Variants in SNRPN observed in about 807,000 individuals in gnomAD.
The protein encoded by SNRPN is small nuclear ribonucleoprotein-associated protein N.
Under a neutral mutation model 25.2 loss-of-function variants are expected in SNRPN, and 7 were observed. The ratio of observed to expected loss-of-function variants is 0.28; its 90% CI spans 0.16 to 0.52. The LOEUF (loss-of-function observed/expected upper bound fraction) is 0.52, where lower values mean the gene tolerates loss of function less well. Among genes scored for constraint, SNRPN ranks in the 20% least tolerant of loss-of-function variants. The pLI is 0.96. For synonymous variants in SNRPN, 124 were observed against 110.6 expected (o/e 1.12, Z -0.76); for missense variants, 196 against 322.5 (o/e 0.61, Z 3.00).
At chr15:24,973,735 G>A (rs1301907362) in intron 3 of SNRPN, among the ~76,000 whole-genome samples, 2 of 152,074 alleles carry the variant, frequency 1.3e-5, no homozygotes, top group Non-Finnish European at 2.9e-5. Flanking sequence ...TTCATTACTT[G>A]ATCTATGAAA....
intron 3 of SNRPN, among the ~76,000 whole-genome samples, chr15:24,937,041 G>A (rs7173229): frequency 2.0e-5 from 3 of 152,014 alleles, no homozygotes; most frequent in Non-Finnish European, 4.4e-5. Flanking sequence ...TCAGGAGATC[G>A]AGACAATCCT....
chr15:24,930,250 A>G (rs968170196), intron 3 of SNRPN, among the ~76,000 whole-genome samples: 3 of 149,538 alleles, frequency 2.0e-5, no homozygotes, highest in Non-Finnish European at 3.0e-5. Flanking sequence ...CTGATCTTTC[A>G]TAGTGATTGG....
At chr15:24,878,173 T>G (rs985199643) in intron 1 of SNRPN, among the ~76,000 whole-genome samples, 1 of 152,250 alleles carries the variant, frequency 6.6e-6, no homozygotes, top group Non-Finnish European at 1.5e-5. Flanking sequence ...TGTTAAGTTA[T>G]TCTTTAAAAC....
rs116417139 is a variant in SNRPN at position 24,963,302 on chromosome 15, T to C, written c.-295+1093T>C. Among the ~76,000 whole-genome samples, 1,184 of 152,282 alleles carry C rather than the reference T, an allele frequency of 7.8e-3. 8 individuals are homozygous for C. The highest frequency in any genetic ancestry group is 0.027 in the African/African-American group (1,114 of 41,542). ...GTTTGCATTGTTTGGCTATTAACAATGAAAAGAACAGTCACTTTGAAAACG... is the reference window on the plus strand; with the variant it reads ...GTTTGCATTGTTTGGCTATTAACAACGAAAAGAACAGTCACTTTGAAAACG... On this transcript the variant is annotated intron_variant, in intron 2 of 9. Transcript: ENST00000390687.
intron 2 of SNRPN, among the ~76,000 whole-genome samples, chr15:24,903,112 C>T (rs145203137): frequency 3.4e-3 from 516 of 152,330 alleles, no homozygotes; most frequent in Non-Finnish European, 6.3e-3. Context: ...AGTCCCCACC[C>T]AACCCAGAAG....
intron 2 of SNRPN, among the ~76,000 whole-genome samples, chr15:24,966,216 TCA>T (rs1011725161): frequency 5.3e-5 from 8 of 152,196 alleles, no homozygotes. Flanking sequence ...TACTATTTTC[TCA>T]GACTTTATAA....
chr15:24,922,362 T>G (rs1457999251), intron 3 of SNRPN, among the ~76,000 whole-genome samples: 1 of 152,200 alleles, frequency 6.6e-6, no homozygotes. Context: ...AAATTTCAGG[T>G]CTACTACCTT....
chr15:24,972,981 G>A (rs564476202), intron 3 of SNRPN, among the ~76,000 whole-genome samples: 1 of 152,000 alleles, frequency 6.6e-6, no homozygotes, highest in African/African-American at 2.4e-5. Flanking sequence ...TCTGCCTCCT[G>A]GTTTCAAGCG....
chr15:24,913,286 G>A (rs1325393246), intron 2 of SNRPN, among the ~76,000 whole-genome samples: 1 of 152,090 alleles, frequency 6.6e-6, no homozygotes, highest in Non-Finnish European at 1.5e-5. Context: ...AGATACTCAG[G>A]AAAACAGAGC....
chr15:24,968,077 A>G lies in SNRPN; in HGVS notation c.-149A>G, dbSNP rs1316517682. 4 of 1,560,930 alleles carry G rather than the reference A, an allele frequency of 2.6e-6. No individual in the cohort carries two copies. Among genetic ancestry groups the G allele is most frequent in the Non-Finnish European group, 3.5e-6 (4 of 1,131,862 alleles). Reference sequence around the variant, plus strand: ...AGCGAGGAATCTGATTCCAAGCAAAAACCAGGTTAGAGCTAATGCAGCAAT... The same window carrying G: ...AGCGAGGAATCTGATTCCAAGCAAAGACCAGGTTAGAGCTAATGCAGCAAT... On this transcript the variant is annotated 5_prime_UTR_variant, in exon 3 of 10. Coordinates refer to ENST00000390687, the MANE Select transcript of SNRPN (RefSeq NM_003097.6).
At chr15:24,863,487 G>A (rs970868563) in intron 1 of SNRPN, among the ~76,000 whole-genome samples, 8 of 150,456 alleles carry the variant, frequency 5.3e-5, no homozygotes, top group African/African-American at 7.5e-5. Context: ...GTGTCCTCTC[G>A]GTGTGCTGAC....
chr15:24,843,302 C>T (rs1217786070), intron 2 of SNRPN, among the ~76,000 whole-genome samples: 1 of 152,112 alleles, frequency 6.6e-6, no homozygotes, highest in Non-Finnish European at 1.5e-5. Context: ...TGGTTTCATT[C>T]ATCTTGGGAA....
At chr15:24,878,455 T>C (rs981959758) in intron 1 of SNRPN, among the ~76,000 whole-genome samples, 1 of 152,222 alleles carries the variant, frequency 6.6e-6, no homozygotes, top group African/African-American at 2.4e-5. Context: ...TTGGGGCGCC[T>C]TTTCTCCTTC....
chr15:24,896,833 T>C (rs2058109773), intron 2 of SNRPN, among the ~76,000 whole-genome samples: 1 of 152,192 alleles, frequency 6.6e-6, no homozygotes, highest in Non-Finnish European at 1.5e-5. Context: ...GTAAAATGAA[T>C]TCTGCCAACA....
intron 2 of SNRPN, among the ~76,000 whole-genome samples, chr15:24,963,860 C>T (rs2075229167): frequency 6.6e-6 from 1 of 151,780 alleles, no homozygotes; most frequent in Admixed American, 6.6e-5. Flanking sequence ...CATAGAGAGA[C>T]CTCCTCTCTA....
chr15:24,862,279 A>T (rs1391868575), intron 1 of SNRPN, among the ~76,000 whole-genome samples: 6 of 151,106 alleles, frequency 4.0e-5, no homozygotes, highest in Non-Finnish European at 1.5e-5. Context: ...CAAGGACAAA[A>T]CTGTCCAGAA....
chr15:24,858,291 G>A (rs1237067160), intron 1 of SNRPN, among the ~76,000 whole-genome samples: 1 of 152,174 alleles, frequency 6.6e-6, no homozygotes, highest in Non-Finnish European at 1.5e-5. Flanking sequence ...TCCTCCTGAA[G>A]TTCGCGGGGA....
intron 2 of SNRPN, among the ~76,000 whole-genome samples, chr15:24,839,167 G>A (rs1457226492): frequency 1.3e-5 from 2 of 151,868 alleles, no homozygotes; most frequent in Non-Finnish European, 2.9e-5. Context: ...TAGAAGTACC[G>A]CCTCCTGAGC....
At chr15:24,952,727 A>G (rs1011229225), upstream of SNRPN, among the ~76,000 whole-genome samples, 1 of 152,178 alleles carries the variant, frequency 6.6e-6, no homozygotes, top group Non-Finnish European at 1.5e-5. Context: ...AATTGAATAT[A>G]ATTTTATTTA....
Sources: gnomAD v4.1 joint callset for allele counts (sites outside exome capture counted in the v4.1 genomes callset) on GRCh38, gnomAD v4.1.1 for gene constraint, MANE v1.5 for transcripts, NCBI Gene and HGNC (gene_info 2026-07-23, HGNC 2026-07-21) for gene names.